Variants in FKBP1B observed in about 807,000 individuals in gnomAD.
FKBP1B encodes FKBP prolyl isomerase 1B.
A neutral mutation model predicts 13.5 loss-of-function variants in FKBP1B; 4 were observed. That is an observed-to-expected ratio of 0.30 (90% confidence interval 0.15 to 0.68). FKBP1B has a LOEUF of 0.68. FKBP1B is among the 30% of genes least tolerant of loss of function. FKBP1B has a pLI of 0.76. For missense variants in FKBP1B, 93 were observed against 136.2 expected, an observed-to-expected ratio of 0.68 and a Z score of 1.58; for synonymous variants, 54 against 53.6, an observed-to-expected ratio of 1.01 and a Z score of -0.03.
At chr2:24,053,996 G>C in intron 2 of FKBP1B, 47 bp downstream of exon 2, 1 of 1,576,054 alleles carries the variant, frequency 6.3e-7, no homozygotes, top group Non-Finnish European at 8.7e-7. Context: ...CCCTCCCAAG[G>C]CAGGGCTGTC....
chr2:24,042,529 C>T, the FKBP1B span, among the ~76,000 whole-genome samples: 8 of 133,824 alleles, frequency 6.0e-5, no homozygotes, highest in Middle Eastern at 4.1e-3. Context: ...GAGCAATACT[C>T]CGTCTCAAAA....
At chr2:24,038,197 A>G in the FKBP1B span, 2 of 1,614,110 alleles carry the variant, frequency 1.2e-6, no homozygotes, top group East Asian at 2.2e-5. Flanking sequence ...TTCTTCTTCC[A>G]ACATTATTTC....
chr2:24,054,189 C>G (rs909909213), intron 2 of FKBP1B: 1 of 690,028 alleles, frequency 1.4e-6, no homozygotes, highest in African/African-American at 1.8e-5. Context: ...GTGCCAGCTT[C>G]TAGGTGAGTC....
intron 2 of FKBP1B, among the ~76,000 whole-genome samples, chr2:24,055,392 A>G (rs1244818104): frequency 1.3e-5 from 2 of 151,704 alleles, no homozygotes; most frequent in Non-Finnish European, 2.9e-5. Context: ...AATTTTTTGT[A>G]GAGATGAGGG....
chr2:24,063,393 C>T lies in FKBP1B; in HGVS notation c.*201C>T, dbSNP rs1200630000. The T allele has an allele frequency of 2.3e-5, 12 of 518,246 alleles. No individual in the cohort carries two copies. The highest frequency in any genetic ancestry group is 4.0e-5 in the Non-Finnish European group (12 of 303,414). The allele number at this position is 518,246 out of a possible 1,614,324, so 32.1% of individuals were successfully genotyped here. A position where few individuals can be genotyped will look rare whatever the true frequency, so the allele number is the denominator to read the frequency against. Reference sequence around the variant, plus strand: ...TGCGAATTCTTGCTTGAGGAAACTTCGGTTGCAGATTGAAGCATTTCAGGT... The same window carrying T: ...TGCGAATTCTTGCTTGAGGAAACTTTGGTTGCAGATTGAAGCATTTCAGGT... On this transcript the variant is annotated 3_prime_UTR_variant, in exon 4 of 4. Coordinates refer to ENST00000380986, the MANE Select transcript of FKBP1B (RefSeq NM_004116.5).
chr2:24,049,600 C>T (rs1365178896), upstream of FKBP1B: 5 of 360,080 alleles, frequency 1.4e-5, no homozygotes, highest in Non-Finnish European at 2.5e-5. Context: ...GGGCCAGGCT[C>T]GCTAACAGCC....
At chr2:24,045,417 C>A (rs1663580113), upstream of FKBP1B, among the ~76,000 whole-genome samples, 1 of 151,794 alleles carries the variant, frequency 6.6e-6, no homozygotes, top group South Asian at 2.1e-4. Context: ...CCCTGGCCAA[C>A]ATGGTGAAAC....
chr2:24,039,619 G>A, the FKBP1B span: 2 of 968,450 alleles, frequency 2.1e-6, no homozygotes, highest in Non-Finnish European at 3.0e-6. Context: ...TTAATAATGT[G>A]GAGAGACAAA....
chr2:24,038,186 GTTC>G, the FKBP1B span: 2 of 1,614,044 alleles, frequency 1.2e-6, no homozygotes, highest in African/African-American at 1.3e-5. Context: ...GTTATTGAAG[GTTC>G]TTCTTCCAAC....
At chr2:24,039,352 A>T in the FKBP1B span, 1 of 1,614,242 alleles carries the variant, frequency 6.2e-7, no homozygotes, top group Non-Finnish European at 8.5e-7. Flanking sequence ...GGAGTCCCCA[A>T]ACTTGACCTC....
intron 1 of FKBP1B, 96 bp downstream of exon 1, chr2:24,049,982 A>G (rs1311210829): frequency 1.5e-5 from 16 of 1,037,654 alleles, no homozygotes; most frequent in Non-Finnish European, 2.0e-5. Context: ...GAGGGTGCTG[A>G]AGGGTCGGGG....
intron 2 of FKBP1B, among the ~76,000 whole-genome samples, chr2:24,055,594 C>G (rs1222066383): frequency 6.6e-6 from 1 of 152,160 alleles, no homozygotes; most frequent in Admixed American, 6.5e-5. Flanking sequence ...CGTAGGTACT[C>G]TTTTGTGTTT....
the FKBP1B span, chr2:24,037,831 T>G: frequency 6.2e-7 from 1 of 1,614,208 alleles, no homozygotes; most frequent in South Asian, 1.1e-5. Context: ...AGACAGCTGA[T>G]AAGTTTCCTT....
the FKBP1B span, among the ~76,000 whole-genome samples, chr2:24,035,094 A>T: frequency 6.6e-6 from 1 of 151,786 alleles, no homozygotes; most frequent in Non-Finnish European, 1.5e-5. Context: ...ATATTTAGCT[A>T]TATCTGTGAT....
In FKBP1B at chr2:24,063,136, G is replaced by A. The variant is rs1394527458; in HGVS notation, c.271G>A (p.Val91Ile). ...VAYGATGHPG[V>I]IPPNATLIFD... ...ATATGGAGCCACGGGCCACCCCGGT[G>A]TCATCCCTCCCAATGCCACCCTCAT... Residue 91 changes from valine to isoleucine, a missense_variant, in exon 4 of 4, where the codon GTC becomes ATC. By Grantham distance (29) the Val-to-Ile change is conservative (BLOSUM62 3). Coordinates refer to ENST00000380986, the MANE Select transcript of FKBP1B (RefSeq NM_004116.5). 1.1e-5 allele frequency: 17 copies of A among 1,613,380 alleles called. No individual in the cohort carries two copies. Among genetic ancestry groups the A allele is most frequent in the Non-Finnish European group, 1.4e-5 (17 of 1,179,656 alleles).
rs186518936 is a variant in FKBP1B at position 24,055,991 on chromosome 2, T to A, written c.85+2042T>A. Among the ~76,000 whole-genome samples, 22 of 152,264 alleles carry A rather than the reference T, an allele frequency of 1.4e-4. No individual in the cohort carries two copies. In the East Asian group the frequency reaches 4.3e-3, roughly 29 times the overall value. Reference sequence around the variant, plus strand: ...ACTTGTTATTGTCAGGTTTTGGTTTTGTTTTGTTTTTTCTTTTTTTGAGAC... The same window carrying A: ...ACTTGTTATTGTCAGGTTTTGGTTTAGTTTTGTTTTTTCTTTTTTTGAGAC... On this transcript the variant is annotated intron_variant, in intron 2 of 3. Coordinates refer to ENST00000380986, the MANE Select transcript of FKBP1B (RefSeq NM_004116.5).
chr2:24,053,094 GGTTTTGTTTT>G (rs796827221), intron 1 of FKBP1B, among the ~76,000 whole-genome samples: 35 of 152,074 alleles, frequency 2.3e-4, no homozygotes, highest in African/African-American at 7.7e-4. Flanking sequence ...AAATATTTGT[GGTTTTGTTTT>G]GTTTTGTTTT....
At chr2:24,053,287 A>AT (rs34185660) in intron 1 of FKBP1B, among the ~76,000 whole-genome samples, 15,892 of 110,068 alleles carry the variant, frequency 0.14, 1,399 homozygotes, top group Non-Finnish European at 0.19. Context: ...AATTGAAAAG[A>AT]TTTTTTTTTT....
chr2:24,052,516 G>A (rs548981901), intron 1 of FKBP1B, among the ~76,000 whole-genome samples: 7 of 152,204 alleles, frequency 4.6e-5, no homozygotes, highest in Admixed American at 4.6e-4. Flanking sequence ...CAGCTCCAGG[G>A]GGCACCTTCT....
Sources: gnomAD v4.1 joint callset for allele counts (sites outside exome capture counted in the v4.1 genomes callset) on GRCh38, gnomAD v4.1.1 for gene constraint, MANE v1.5 for transcripts, NCBI Gene and HGNC (gene_info 2026-07-23, HGNC 2026-07-21) for gene names.